Variants in SNTG2 observed in about 807,000 individuals in gnomAD.
SNTG2 encodes the protein syntrophin gamma 2.
SNTG2 carries 74 observed loss-of-function variants against 70.9 expected under a neutral mutation model. The observed-to-expected ratio is 1.04, with a 90% CI of 0.86 to 1.27. The LOEUF (loss-of-function observed/expected upper bound fraction) is 1.27, where lower values mean the gene tolerates loss of function less well. Ranked by LOEUF, SNTG2 falls within the 50% of genes most tolerant of loss-of-function variation. The pLI is 0.00. For synonymous variants in SNTG2, 278 were observed against 273.8 expected (o/e 1.02, Z -0.15); for missense variants, 717 against 690.7 (o/e 1.04, Z -0.43).
chr2:1,331,773 A>G (rs1572992932), intron 16 of SNTG2, among the ~76,000 whole-genome samples: 1 of 152,308 alleles, frequency 6.6e-6, no homozygotes, highest in East Asian at 1.9e-4. Flanking sequence ...TAAGGAGTAA[A>G]GGTATGATAA....
chr2:1,096,999 C>T (rs962936663), intron 2 of SNTG2, among the ~76,000 whole-genome samples: 1 of 152,128 alleles, frequency 6.6e-6, no homozygotes, highest in Non-Finnish European at 1.5e-5. Context: ...AAATACGGCT[C>T]TTTTTCTGTG....
At chr2:1,232,238 G>T (rs1676303046) in intron 9 of SNTG2, among the ~76,000 whole-genome samples, 1 of 152,152 alleles carries the variant, frequency 6.6e-6, no homozygotes, top group South Asian at 2.1e-4. Context: ...CTCTTTCTTG[G>T]ACCTATTGAA....
chr2:1,091,883 G>A (rs1665052713), intron 2 of SNTG2, among the ~76,000 whole-genome samples: 1 of 152,184 alleles, frequency 6.6e-6, no homozygotes, highest in East Asian at 1.9e-4. Flanking sequence ...TCCAGACACT[G>A]AGAAATAGTT....
intron 8 of SNTG2, among the ~76,000 whole-genome samples, chr2:1,181,073 G>T (rs775194509): frequency 1.1e-4 from 16 of 152,108 alleles, no homozygotes; most frequent in African/African-American, 3.9e-4. Context: ...GTAGTGGGGT[G>T]GGGGAAGGGG....
chr2:1,007,234 A>C (rs1279901944), intron 1 of SNTG2, among the ~76,000 whole-genome samples: 1 of 152,068 alleles, frequency 6.6e-6, no homozygotes, highest in Non-Finnish European at 1.5e-5. Flanking sequence ...CACCCTAGTG[A>C]GAAGGACATT....
At chr2:1,178,913 G>A (rs1399694175) in intron 8 of SNTG2, among the ~76,000 whole-genome samples, 2 of 152,124 alleles carry the variant, frequency 1.3e-5, no homozygotes, top group South Asian at 2.1e-4. Flanking sequence ...GTAGAATTCA[G>A]CTTTGAATCC....
Position 1,237,916 on chromosome 2 carries a change from G to T in SNTG2, c.748G>T (p.Asp250Tyr). Reference protein sequence around the residue: ...RWNAFEVLALDGVSSGILRFY... With the variant: ...RWNAFEVLALYGVSSGILRFY... ...GAATGCGTTCGAGGTGCTCGCCCTGGACGGAGTCAGCTCTGGGATCCTCCG... is the reference window on the plus strand; with the variant it reads ...GAATGCGTTCGAGGTGCTCGCCCTGTACGGAGTCAGCTCTGGGATCCTCCG... The change falls in exon 10 of 17, where the codon GAC becomes TAC. Residue 250 changes from aspartate to tyrosine, a missense_variant. Coordinates refer to ENST00000308624, the MANE Select transcript of SNTG2 (RefSeq NM_018968.4). The T allele has an allele frequency of 6.2e-7, 1 of 1,606,070 alleles. No homozygotes were observed. Among genetic ancestry groups the T allele is most frequent in the South Asian group, 1.1e-5 (1 of 88,866 alleles).
At chr2:1,289,715 T>C (rs1165416887) in intron 14 of SNTG2, among the ~76,000 whole-genome samples, 2 of 152,194 alleles carry the variant, frequency 1.3e-5, no homozygotes, top group South Asian at 4.1e-4. Flanking sequence ...CACAGTGGTG[T>C]TCAGCTGTCA....
chr2:1,131,943 C>T (rs777168943), intron 4 of SNTG2, among the ~76,000 whole-genome samples: 2 of 152,178 alleles, frequency 1.3e-5, no homozygotes, highest in Non-Finnish European at 1.5e-5. Context: ...AGCCACCGCA[C>T]CTGGCCACTA....
chr2:1,017,750 A>G (rs1342417377), intron 1 of SNTG2, among the ~76,000 whole-genome samples: 1 of 152,222 alleles, frequency 6.6e-6, no homozygotes, highest in Non-Finnish European at 1.5e-5. Flanking sequence ...GATCACAGAT[A>G]AGCATTGCTA....
At chr2:1,365,417 C>T (rs1257829556) in intron 16 of SNTG2, among the ~76,000 whole-genome samples, 1 of 152,196 alleles carries the variant, frequency 6.6e-6, no homozygotes. Flanking sequence ...TAGGAAGGAA[C>T]TTAATTCAAA....
chr2:1,269,315 G>A (rs574618677), intron 14 of SNTG2, among the ~76,000 whole-genome samples: 2 of 152,116 alleles, frequency 1.3e-5, no homozygotes, highest in East Asian at 1.9e-4. Context: ...ACCAGCCCAG[G>A]CAACCAAGCC....
At chr2:1,177,566 A>G (rs1297054042) in intron 8 of SNTG2, among the ~76,000 whole-genome samples, 1 of 152,132 alleles carries the variant, frequency 6.6e-6, no homozygotes. Context: ...CTTCTTTCTC[A>G]ACAAAAACAA....
intron 16 of SNTG2, among the ~76,000 whole-genome samples, chr2:1,362,712 G>T (rs1220564499): frequency 1.3e-5 from 2 of 151,364 alleles, no homozygotes; most frequent in African/African-American, 4.9e-5. Flanking sequence ...GAGCATTTCA[G>T]TAGAACTTCC....
chr2:1,298,111 T>A (rs1465979245), intron 14 of SNTG2, among the ~76,000 whole-genome samples: 1 of 152,158 alleles, frequency 6.6e-6, no homozygotes, highest in Non-Finnish European at 1.5e-5. Context: ...GTATTTTATA[T>A]ACATTTCATT....
At chr2:982,402 A>G (rs189754345) in intron 1 of SNTG2, among the ~76,000 whole-genome samples, 1 of 152,308 alleles carries the variant, frequency 6.6e-6, no homozygotes, top group East Asian at 1.9e-4. Context: ...CCCCCTCGGT[A>G]CACGGAGGAC....
chr2:1,023,291 T>C (rs1445934700), intron 1 of SNTG2, among the ~76,000 whole-genome samples: 1 of 152,120 alleles, frequency 6.6e-6, no homozygotes, highest in African/African-American at 2.4e-5. Context: ...GCCATCTCCT[T>C]CTCTTGGCAG....
intron 4 of SNTG2, among the ~76,000 whole-genome samples, chr2:1,130,224 C>A (rs746594320): frequency 6.6e-6 from 1 of 152,182 alleles, no homozygotes; most frequent in Non-Finnish European, 1.5e-5. Context: ...ATCCCAGATT[C>A]ATAGATGACA....
chr2:1,295,238 G>A (rs1396584308), intron 14 of SNTG2, among the ~76,000 whole-genome samples: 1 of 152,196 alleles, frequency 6.6e-6, no homozygotes, highest in Non-Finnish European at 1.5e-5. Context: ...CTGGGCGGAT[G>A]TAGTGTCTCA....
Sources: gnomAD v4.1 joint callset for allele counts (sites outside exome capture counted in the v4.1 genomes callset) on GRCh38, gnomAD v4.1.1 for gene constraint, MANE v1.5 for transcripts, NCBI Gene and HGNC (gene_info 2026-07-23, HGNC 2026-07-21) for gene names.